The following PYGO1 variants were observed in gnomAD, a reference collection of about 807,000 sequenced individuals.
PYGO1 encodes the protein pygopus homolog 1.
A neutral mutation model predicts 29.5 loss-of-function variants in PYGO1; 6 were observed. That is an observed-to-expected ratio of 0.20 (90% confidence interval 0.11 to 0.40). The LOEUF is 0.40. Among genes scored for constraint, PYGO1 ranks in the 10% least tolerant of loss-of-function variants. The probability of loss-of-function intolerance (pLI) is 1.00; values close to 1 mark genes in which losing one functional copy is unlikely to be tolerated. For synonymous variants in PYGO1, 186 were observed against 180.5 expected (o/e 1.03, Z -0.24); for missense variants, 515 against 514.9 (o/e 1.00, Z 0.00).
At chr15:55,581,037 T>G (rs1866058) in intron 1 of PYGO1, among the ~76,000 whole-genome samples, 56,371 of 152,038 alleles carry the variant, frequency 0.37, 10,673 homozygotes, top group East Asian at 0.47. Context: ...GTAAGGATCT[T>G]ATAACCTATA....
chr15:55,568,555 A>C (rs2058967066), intron 1 of PYGO1, among the ~76,000 whole-genome samples: 1 of 152,100 alleles, frequency 6.6e-6, no homozygotes, highest in South Asian at 2.1e-4. Context: ...AAAGAGAAAT[A>C]GTTTGTCTTC....
chr15:55,544,145 G>C lies in PYGO1; in HGVS notation c.*1878C>G, dbSNP rs992231210. 45 of 152,110 alleles carry C rather than the reference G, an allele frequency of 3.0e-4. No individual in the cohort carries two copies. Among genetic ancestry groups the C allele is most frequent in the African/African-American group, 9.7e-4 (40 of 41,418 alleles). The allele number at this position is 152,110 out of a possible 1,614,324, so 9.4% of individuals were successfully genotyped here. ...CTCTAACTAGTCAAGGGTAAATGGA[G>C]AAAACCTTGTATTACCTTGTACCAT... is the stretch of plus-strand genomic sequence containing the variant. On this transcript the variant is annotated 3_prime_UTR_variant, in exon 3 of 3. Transcript: ENST00000563719.
At chr15:55,547,245 A>G in intron 2 of PYGO1, 98 bp from the exon 3 acceptor site, 1 of 1,083,592 alleles carries the variant, frequency 9.2e-7, no homozygotes, top group Non-Finnish European at 1.3e-6. Flanking sequence ...TATTAGTCAA[A>G]TTTCTCTTGC....
Position 55,586,176 on chromosome 15 carries a change from G to A in PYGO1, c.49+1659C>T, listed in dbSNP as rs1032378937. ...CATCTCTACATCACTTAAGTCAGCC[G>A]GAAATTTACCTTCCTACTTACTGAT... On this transcript the variant is annotated intron_variant, in intron 1 of 2. Coordinates refer to ENST00000563719, the MANE Select transcript of PYGO1 (RefSeq NM_001367806.1). 2.0e-4 allele frequency among the ~76,000 whole-genome samples: 30 copies of A among 152,068 alleles called. 1 individual carries two copies. The highest frequency in any genetic ancestry group is 1.6e-3 in the Admixed American group (25 of 15,268).
chr15:55,588,183 G>GCGCCGCCGC lies in PYGO1; in HGVS notation c.-309_-301dup, dbSNP rs542038034. On this transcript the variant is annotated 5_prime_UTR_variant, in exon 1 of 3. Transcript: ENST00000563719. ...GGGCCGGCATGTGCTGAGGGCGAGT[G>GCGCCGCCGC]CGCCGCCGCCGCCGCCGCCTCCTCC... is the stretch of plus-strand genomic sequence containing the variant. 2.9e-6 allele frequency: 1 copy of GCGCCGCCGC among 342,800 alleles called. No homozygotes were observed. Among genetic ancestry groups the GCGCCGCCGC allele is most frequent in the East Asian group, 1.7e-4 (1 of 5,886 alleles). 21.2% of individuals were successfully genotyped at this position (342,800 alleles called of 1,614,324 possible).
intron 1 of PYGO1, among the ~76,000 whole-genome samples, chr15:55,563,001 G>C (rs1313466721): frequency 6.6e-6 from 1 of 151,834 alleles, no homozygotes; most frequent in Non-Finnish European, 1.5e-5. Context: ...CGGGGGGAGC[G>C]GGAGGGAGAG....
In PYGO1 at chr15:55,571,585, G is replaced by A. The variant is rs535056173; in HGVS notation, c.49+16250C>T. On this transcript the variant is annotated intron_variant, in intron 1 of 2. Transcript: ENST00000563719. Reference sequence around the variant, plus strand: ...TACAAACAGGGGTTTCCCTGCACACGCTCTCTCTTTGCCTGCCACCATCCA... The same window carrying A: ...TACAAACAGGGGTTTCCCTGCACACACTCTCTCTTTGCCTGCCACCATCCA... Among the ~76,000 whole-genome samples, 5 of 152,180 alleles carry A rather than the reference G, an allele frequency of 3.3e-5. No individual in the cohort carries two copies. The South Asian group carries it at 8.3e-4, about 25-fold the overall frequency.
chr15:55,580,565 C>G (rs1365336038), intron 1 of PYGO1, among the ~76,000 whole-genome samples: 1 of 152,146 alleles, frequency 6.6e-6, no homozygotes, highest in Non-Finnish European at 1.5e-5. Context: ...GAGATAAGTA[C>G]CATTATTATT....
chr15:55,541,444 C>A lies in PYGO1; in HGVS notation c.*4579G>T, dbSNP rs2058827687. 1 of 152,128 alleles carries A rather than the reference C, an allele frequency of 6.6e-6. No homozygotes were observed. Among genetic ancestry groups the A allele is most frequent in the Non-Finnish European group, 1.5e-5 (1 of 68,012 alleles). 9.4% of individuals were successfully genotyped at this position (152,128 alleles called of 1,614,324 possible). Reference sequence around the variant, plus strand: ...AAACTGGAAGTACCCTCAGACAGTACCAGCTAATTCACTAAATGTACTGCT... The same window carrying A: ...AAACTGGAAGTACCCTCAGACAGTAACAGCTAATTCACTAAATGTACTGCT... On this transcript the variant is annotated 3_prime_UTR_variant, in exon 3 of 3. Transcript: ENST00000563719.
chr15:55,548,305 C>G (rs1205721271), intron 2 of PYGO1, among the ~76,000 whole-genome samples: 1 of 151,970 alleles, frequency 6.6e-6, no homozygotes, highest in Non-Finnish European at 1.5e-5. Flanking sequence ...TAGGCATGAG[C>G]CACCATGCCC....
Position 55,541,112 on chromosome 15 carries a change from CAA to C in PYGO1, c.*4909_*4910del, listed in dbSNP as rs1308223346. 6.6e-6 allele frequency: 1 copy of C among 152,128 alleles called. No individual in the cohort carries two copies. Among genetic ancestry groups the C allele is most frequent in the African/African-American group, 2.4e-5 (1 of 41,424 alleles). 9.4% of individuals were successfully genotyped at this position (152,128 alleles called of 1,614,324 possible). ...AAGATGCTTATCCACTGAGTTTCAT[CAA>C]AAGTTTTAAATTAAATACAGGCAGC... On this transcript the variant is annotated 3_prime_UTR_variant, in exon 3 of 3. Coordinates refer to ENST00000563719, the MANE Select transcript of PYGO1 (RefSeq NM_001367806.1).
chr15:55,552,705 G>T (rs956513979), intron 1 of PYGO1, among the ~76,000 whole-genome samples: 2 of 152,098 alleles, frequency 1.3e-5, no homozygotes, highest in Non-Finnish European at 2.9e-5. Context: ...AGGGCCTTGG[G>T]TCCGATATAC....
chr15:55,572,038 T>C (rs1301010609), intron 1 of PYGO1, among the ~76,000 whole-genome samples: 1 of 152,150 alleles, frequency 6.6e-6, no homozygotes, highest in East Asian at 1.9e-4. Context: ...TCCATCAAAA[T>C]TCCAAGGGCA....
At chr15:55,581,702 G>T (rs561512203) in intron 1 of PYGO1, among the ~76,000 whole-genome samples, 1 of 152,234 alleles carries the variant, frequency 6.6e-6, no homozygotes, top group African/African-American at 2.4e-5. Flanking sequence ...CATATTTACT[G>T]AGAGGATTAA....
intron 1 of PYGO1, among the ~76,000 whole-genome samples, chr15:55,551,965 A>T (rs1248909274): frequency 6.6e-6 from 1 of 152,178 alleles, no homozygotes; most frequent in Admixed American, 6.5e-5. Context: ...ATGCCATATT[A>T]ATAGAATAAA....
Position 55,546,467 on chromosome 15 carries a change from T to C in PYGO1, c.816A>G (p.Glu272=). 1 of 1,614,214 alleles carries C rather than the reference T, an allele frequency of 6.2e-7. No homozygotes were observed. The change falls in exon 3 of 3, where the codon GAA becomes GAG. Residue 272 remains glutamate, a synonymous_variant. Transcript: ENST00000563719. ...CATTGTTTCGATTAACATTTTTTAA[T>C]TCAATATTACTCTGATTCACTGTGT... ...MDDTVNQSNI[E]LKNVNRNNAV...
intron 1 of PYGO1, among the ~76,000 whole-genome samples, chr15:55,572,353 C>G (rs771394157): frequency 4.6e-5 from 7 of 152,098 alleles, no homozygotes; most frequent in Non-Finnish European, 1.0e-4. Context: ...TAACCACATG[C>G]AGATGAATGA....
intron 1 of PYGO1, among the ~76,000 whole-genome samples, chr15:55,560,954 AAAAC>A (rs533316335): frequency 5.9e-5 from 9 of 152,074 alleles, no homozygotes; most frequent in South Asian, 2.1e-4. Flanking sequence ...CTCTATCTCA[AAAAC>A]AAACAAACAA....
chr15:55,570,694 T>C (rs1038400707), intron 1 of PYGO1, among the ~76,000 whole-genome samples: 5 of 152,240 alleles, frequency 3.3e-5, no homozygotes, highest in African/African-American at 1.2e-4. Flanking sequence ...GTTTCCTCTA[T>C]AATGCTATCC....
Sources: allele counts gnomAD v4.1 joint callset (sites outside exome capture counted in the v4.1 genomes callset), GRCh38; gene constraint gnomAD v4.1.1; transcripts MANE v1.5; gene names NCBI Gene and HGNC (gene_info 2026-07-23, HGNC 2026-07-21).